Variants in ULK4 observed in about 807,000 individuals in gnomAD.
ULK4 encodes the protein unc-51 like kinase 4, also known as inactive serine/threonine-protein kinase ULK4.
A neutral mutation model predicts 160.6 loss-of-function variants in ULK4; 133 were observed. The ratio of observed to expected loss-of-function variants is 0.83; its 90% CI spans 0.72 to 0.96. ULK4 has a LOEUF of 0.96. Among genes scored for constraint, ULK4 ranks in the 40% least tolerant of loss-of-function variants. The probability of loss-of-function intolerance (pLI) is 0.00; values close to 1 mark genes in which losing one functional copy is unlikely to be tolerated. For missense variants in ULK4, 1,580 were observed against 1,499.5 expected (o/e 1.05, Z -0.89); for synonymous variants, 534 against 539.8 (o/e 0.99, Z 0.15).
At chr3:41,882,998 G>T (rs1276256187) in intron 17 of ULK4, among the ~76,000 whole-genome samples, 1 of 152,060 alleles carries the variant, frequency 6.6e-6, no homozygotes, top group Non-Finnish European at 1.5e-5. Context: ...CCCCAAAAAA[G>T]GAAAAATTTA....
chr3:41,413,876 G>C (rs1481619688), intron 34 of ULK4, among the ~76,000 whole-genome samples: 4 of 152,110 alleles, frequency 2.6e-5, no homozygotes, highest in African/African-American at 9.7e-5. Context: ...AGATACCTTT[G>C]AACTTCAGAT....
chr3:41,436,704 C>A (rs940751574), intron 34 of ULK4, among the ~76,000 whole-genome samples: 3 of 152,122 alleles, frequency 2.0e-5, no homozygotes, highest in Admixed American at 6.5e-5. Context: ...GCAAGTGGGA[C>A]CGAGCAACCA....
intron 34 of ULK4, among the ~76,000 whole-genome samples, chr3:41,435,793 A>G (rs1418973450): frequency 6.6e-6 from 1 of 152,220 alleles, no homozygotes; most frequent in East Asian, 1.9e-4. Context: ...CCAAAAATAT[A>G]AAAATTAGCT....
intron 18 of ULK4, 118 bp from the exon 19 acceptor site, chr3:41,819,624 T>A: frequency 1.3e-6 from 1 of 783,792 alleles, no homozygotes; most frequent in Non-Finnish European, 2.0e-6. Flanking sequence ...ATAGTCTATT[T>A]AAAGTATTAC....
Position 41,529,996 on chromosome 3 carries a change from G to C in ULK4, c.3226+36029C>G, listed in dbSNP as rs932242841. On this transcript the variant is annotated intron_variant, in intron 32 of 36. Transcript: ENST00000301831. ...GAGTGAATGAAGAGTGCCTGCTAAG[G>C]GGGTACATGGGATTTTTTGCAGAGA... 1.3e-3 allele frequency among the ~76,000 whole-genome samples: 202 copies of C among 152,236 alleles called. 1 individual carries two copies. The highest frequency in any genetic ancestry group is 4.6e-3 in the African/African-American group (192 of 41,536).
At chr3:41,734,895 G>A (rs902231853) in intron 22 of ULK4, among the ~76,000 whole-genome samples, 3 of 152,148 alleles carry the variant, frequency 2.0e-5, no homozygotes, top group African/African-American at 4.8e-5. Context: ...AAAGGAAAAC[G>A]CTGACCAGTG....
chr3:41,821,404 T>C (rs2041139721), intron 18 of ULK4, among the ~76,000 whole-genome samples: 1 of 152,050 alleles, frequency 6.6e-6, no homozygotes, highest in Admixed American at 6.6e-5. Context: ...GCTATGACGC[T>C]CCCACCACTT....
intron 32 of ULK4, among the ~76,000 whole-genome samples, chr3:41,499,810 G>C (rs1228913023): frequency 6.6e-6 from 1 of 152,152 alleles, no homozygotes; most frequent in Non-Finnish European, 1.5e-5. Context: ...TCTTTAATAT[G>C]AGAGTTTTGA....
chr3:41,395,273 C>T (rs2082034031), intron 35 of ULK4, among the ~76,000 whole-genome samples: 1 of 150,946 alleles, frequency 6.6e-6, no homozygotes, highest in East Asian at 1.9e-4. Context: ...AAATCTGGGG[C>T]AGCCGTGGAT....
chr3:41,392,319 G>A lies in ULK4; in HGVS notation c.3678+5760C>T, dbSNP rs2081974569. Among the ~76,000 whole-genome samples the A allele has an allele frequency of 2.0e-5, 3 of 152,218 alleles. No homozygotes were observed. The South Asian group carries it at 6.2e-4, about 32-fold the overall frequency. ...CTAAATACAGACTAAATAAGAAAGA[G>A]CACCCTAGAGGCAAAACACATCCCA... On this transcript the variant is annotated intron_variant, in intron 35 of 36. Transcript: ENST00000301831.
At chr3:41,488,251 T>C (rs900711294) in intron 32 of ULK4, among the ~76,000 whole-genome samples, 1 of 152,218 alleles carries the variant, frequency 6.6e-6, no homozygotes, top group Non-Finnish European at 1.5e-5. Flanking sequence ...TCATGCTATT[T>C]TACACACAGT....
intron 21 of ULK4, among the ~76,000 whole-genome samples, chr3:41,769,254 G>C (rs1311771461): frequency 6.6e-6 from 1 of 152,136 alleles, no homozygotes; most frequent in Non-Finnish European, 1.5e-5. Flanking sequence ...TAATGACTTT[G>C]ACTCCCTACA....
chr3:41,399,970 T>C (rs2082145359), intron 34 of ULK4, among the ~76,000 whole-genome samples: 1 of 152,152 alleles, frequency 6.6e-6, no homozygotes, highest in South Asian at 2.1e-4. Flanking sequence ...TCGATGCATT[T>C]TGAGTTAATT....
At chr3:41,748,144 C>CTATA (rs143813305) in intron 22 of ULK4, among the ~76,000 whole-genome samples, 10 of 145,576 alleles carry the variant, frequency 6.9e-5, no homozygotes, top group African/African-American at 2.4e-4. Context: ...TATATAGAGA[C>CTATA]TATATATATA....
chr3:41,620,015 G>T (rs976330588), intron 30 of ULK4, among the ~76,000 whole-genome samples: 4 of 152,092 alleles, frequency 2.6e-5, no homozygotes, highest in African/African-American at 9.7e-5. Context: ...AAATCTAGAA[G>T]AAATGGATAA....
At chr3:41,792,831 T>C (rs1165109966) in intron 20 of ULK4, among the ~76,000 whole-genome samples, 1 of 152,152 alleles carries the variant, frequency 6.6e-6, no homozygotes, top group African/African-American at 2.4e-5. Flanking sequence ...AGAAAAGAAA[T>C]CAAATCAAAT....
Position 41,800,271 on chromosome 3 carries a change from A to T in ULK4, c.1871T>A (p.Met624Lys). ...REGEERVVNH[M>K]AAKIIENVCT... ...GACATTTTCAATAATTTTTGCTGCC[A>T]TGTGATTCACAACACGCTCTTCCTA... is the stretch of plus-strand genomic sequence containing the variant. The change falls in exon 20 of 37, where the codon ATG becomes AAG. Residue 624 changes from methionine (M) to lysine (K), a missense_variant. Met to Lys is a moderately conservative substitution (Grantham distance 95). Transcript: ENST00000301831. The T allele has an allele frequency of 6.2e-7, 1 of 1,612,760 alleles. No individual in the cohort carries two copies. Among genetic ancestry groups the T allele is most frequent in the African/African-American group, 1.3e-5 (1 of 74,950 alleles).
chr3:41,315,626 T>C (rs2080129976), intron 35 of ULK4, among the ~76,000 whole-genome samples: 1 of 152,170 alleles, frequency 6.6e-6, no homozygotes, highest in South Asian at 2.1e-4. Context: ...TCCATCCCTC[T>C]ACCTTCCCGG....
intron 32 of ULK4, among the ~76,000 whole-genome samples, chr3:41,538,298 A>G (rs984553826): frequency 2.0e-5 from 3 of 152,272 alleles, no homozygotes; most frequent in African/African-American, 7.2e-5. Flanking sequence ...TATATCACAA[A>G]AAGTTTTTAT....
Sources: allele counts gnomAD v4.1 joint callset (sites outside exome capture counted in the v4.1 genomes callset), GRCh38; gene constraint gnomAD v4.1.1; transcripts MANE v1.5; gene names NCBI Gene and HGNC (gene_info 2026-07-23, HGNC 2026-07-21).